Variants in SLC10A7 observed in about 807,000 individuals in gnomAD.
SLC10A7 encodes the protein solute carrier family 10 member 7, also known as sodium/bile acid cotransporter 7.
In SLC10A7, 29 loss-of-function variants were observed where a neutral mutation model predicts 43.2. The ratio of observed to expected loss-of-function variants is 0.67; its 90% CI spans 0.50 to 0.92. The LOEUF (loss-of-function observed/expected upper bound fraction) is 0.92. Among genes scored for constraint, SLC10A7 ranks in the 40% least tolerant of loss-of-function variants. SLC10A7 has a pLI of 0.00. For synonymous variants in SLC10A7, 152 were observed against 144.8 expected, an observed-to-expected ratio of 1.05 and a Z score of -0.35; for missense variants, 295 against 403.2, an observed-to-expected ratio of 0.73 and a Z score of 2.30.
At chr4:146,440,294 T>TC (rs397691792) in intron 5 of SLC10A7, among the ~76,000 whole-genome samples, 5 of 143,400 alleles carry the variant, frequency 3.5e-5, no homozygotes, top group Admixed American at 2.1e-4. Context: ...TCTTTTCTTT[T>TC]TTTTTTTGAG....
intron 4 of SLC10A7, among the ~76,000 whole-genome samples, chr4:146,448,998 G>A (rs1383556012): frequency 6.6e-6 from 1 of 152,208 alleles, no homozygotes; most frequent in African/African-American, 2.4e-5. Flanking sequence ...GGGGTAGAGG[G>A]TGATATCTAC....
intron 4 of SLC10A7, 55 bp downstream of exon 4, chr4:146,503,794 T>G: frequency 1.3e-6 from 2 of 1,509,696 alleles, no homozygotes; most frequent in Non-Finnish European, 1.8e-6. Flanking sequence ...GATATATTTT[T>G]GAAATAAAAG....
intron 5 of SLC10A7, among the ~76,000 whole-genome samples, chr4:146,346,421 C>A (rs1023393247): frequency 1.3e-5 from 2 of 152,092 alleles, no homozygotes; most frequent in Admixed American, 1.3e-4. Context: ...ACAATGTCCT[C>A]TTCTGGATAT....
intron 5 of SLC10A7, among the ~76,000 whole-genome samples, chr4:146,374,944 G>T (rs1013855621): frequency 1.3e-5 from 2 of 152,094 alleles, no homozygotes; most frequent in African/African-American, 2.4e-5. Flanking sequence ...GGTGGCTTAC[G>T]CCTGTAATCC....
chr4:146,505,923 T>C (rs1736854642), intron 3 of SLC10A7, among the ~76,000 whole-genome samples: 10 of 152,274 alleles, frequency 6.6e-5, no homozygotes, highest in Admixed American at 6.5e-4. Flanking sequence ...AAAACTGAAG[T>C]GAAGAAAGAA....
chr4:146,478,822 T>C (rs1490233705), intron 4 of SLC10A7, among the ~76,000 whole-genome samples: 2 of 152,178 alleles, frequency 1.3e-5, no homozygotes, highest in Non-Finnish European at 2.9e-5. Context: ...GAAGAAATGA[T>C]ATGAGCTTTA....
chr4:146,283,094 C>T, intron 10 of SLC10A7, 98 bp downstream of exon 10: 1 of 937,464 alleles, frequency 1.1e-6, no homozygotes, highest in Non-Finnish European at 1.7e-6. Context: ...TGGACAACAC[C>T]CCATTCCATT....
At chr4:146,426,862 G>A (rs1302366755) in intron 5 of SLC10A7, among the ~76,000 whole-genome samples, 1 of 152,122 alleles carries the variant, frequency 6.6e-6, no homozygotes, top group Non-Finnish European at 1.5e-5. Context: ...GTGACAGAGT[G>A]AGACTCCGTC....
intron 7 of SLC10A7, among the ~76,000 whole-genome samples, chr4:146,302,360 C>A (rs1385693268): frequency 6.6e-6 from 1 of 152,170 alleles, no homozygotes; most frequent in East Asian, 1.9e-4. Flanking sequence ...CTCACTCTTT[C>A]AGCACATATT....
chr4:146,388,628 G>A (rs575708128), intron 5 of SLC10A7, among the ~76,000 whole-genome samples: 150 of 151,972 alleles, frequency 9.9e-4, no homozygotes, highest in African/African-American at 3.6e-3. Context: ...GCGTGGTGGT[G>A]CGCGCCTGTA....
intron 7 of SLC10A7, 114 bp downstream of exon 7, chr4:146,305,812 T>G: frequency 1.1e-6 from 1 of 898,556 alleles, no homozygotes; most frequent in Non-Finnish European, 1.7e-6. Context: ...TTTAGTCTCA[T>G]ATTTTCATTT....
At chr4:146,343,078 A>G (rs936199810) in intron 5 of SLC10A7, among the ~76,000 whole-genome samples, 5 of 152,080 alleles carry the variant, frequency 3.3e-5, no homozygotes, top group East Asian at 1.9e-4. Flanking sequence ...TCAATCAACT[A>G]TTATTTTCAT....
At chr4:146,385,775 C>G (rs866175429) in intron 5 of SLC10A7, among the ~76,000 whole-genome samples, 5 of 152,228 alleles carry the variant, frequency 3.3e-5, no homozygotes, top group Middle Eastern at 6.8e-3. Flanking sequence ...TAGTAGTCCC[C>G]AGTGTCTCTT....
chr4:146,371,585 A>G (rs1736783862), intron 5 of SLC10A7, among the ~76,000 whole-genome samples: 1 of 152,178 alleles, frequency 6.6e-6, no homozygotes, highest in African/African-American at 2.4e-5. Context: ...AAAGCAGAAC[A>G]AAGTGGCTAA....
Position 146,451,380 on chromosome 4 carries a change from G to A in SLC10A7, c.397-8559C>T, listed in dbSNP as rs562351324. Among the ~76,000 whole-genome samples the A allele has an allele frequency of 1.1e-4, 16 of 151,268 alleles. No individual in the cohort carries two copies. In the South Asian group the frequency reaches 3.3e-3, roughly 32 times the overall value. Reference sequence around the variant, plus strand: ...AGGAATCCTTCCTAATTCATTCTATGAGGTCAGCATTACCCTGATACCAAA... The same window carrying A: ...AGGAATCCTTCCTAATTCATTCTATAAGGTCAGCATTACCCTGATACCAAA... On this transcript the variant is annotated intron_variant, in intron 4 of 11. Coordinates refer to ENST00000335472, the MANE Select transcript of SLC10A7 (RefSeq NM_001029998.6).
At chr4:146,457,876 T>C (rs1408051927) in intron 4 of SLC10A7, among the ~76,000 whole-genome samples, 1 of 151,870 alleles carries the variant, frequency 6.6e-6, no homozygotes, top group Non-Finnish European at 1.5e-5. Flanking sequence ...TAGGACCAAA[T>C]GGCTGCACTG....
At chr4:146,308,678 T>C (rs1655119429) in intron 6 of SLC10A7, among the ~76,000 whole-genome samples, 1 of 152,134 alleles carries the variant, frequency 6.6e-6, no homozygotes, top group Non-Finnish European at 1.5e-5. Flanking sequence ...CTGGACTTCA[T>C]TGAGCCACCC....
At position 146,254,052 on chromosome 4, in the gene SLC10A7, C is replaced by T. The variant is rs1330914861; in HGVS notation, c.*2439G>A. 6.6e-6 allele frequency: 1 copy of T among 152,090 alleles called. No individual in the cohort carries two copies. Among genetic ancestry groups the T allele is most frequent in the Non-Finnish European group, 1.5e-5 (1 of 68,020 alleles). The allele number at this position is 152,090 out of a possible 1,614,324, so 9.4% of individuals were successfully genotyped here. A position where few individuals can be genotyped will look rare whatever the true frequency, so the allele number is the denominator to read the frequency against. On this transcript the variant is annotated 3_prime_UTR_variant, in exon 12 of 12. Coordinates refer to ENST00000335472, the MANE Select transcript of SLC10A7 (RefSeq NM_001029998.6). ...TCTTCCAGTCATCATAAATAATCCACTTTATGACTTAACCAATCCTTTTGA... is the reference window on the plus strand; with the variant it reads ...TCTTCCAGTCATCATAAATAATCCATTTTATGACTTAACCAATCCTTTTGA...
intron 5 of SLC10A7, among the ~76,000 whole-genome samples, chr4:146,334,850 CT>C (rs1406218353): frequency 6.6e-6 from 1 of 151,986 alleles, no homozygotes; most frequent in Non-Finnish European, 1.5e-5. Flanking sequence ...TCTCTTTTCT[CT>C]GTTTTGTAGA....
Sources: allele counts gnomAD v4.1 joint callset (sites outside exome capture counted in the v4.1 genomes callset), GRCh38; gene constraint gnomAD v4.1.1; transcripts MANE v1.5; gene names NCBI Gene and HGNC (gene_info 2026-07-23, HGNC 2026-07-21).